The following WDPCP variants were observed in gnomAD, a reference collection of about 807,000 sequenced individuals.
WDPCP encodes the protein WD repeat containing planar cell polarity effector, also known as WD repeat-containing and planar cell polarity effector protein fritz homolog.
Under a neutral mutation model 93.1 loss-of-function variants are expected in WDPCP, and 71 were observed. That is an observed-to-expected ratio of 0.76 (90% confidence interval 0.63 to 0.93). The LOEUF (loss-of-function observed/expected upper bound fraction) is 0.93, where lower values mean the gene tolerates loss of function less well. Ranked by LOEUF, WDPCP falls within the 40% of genes least tolerant of loss-of-function variation. WDPCP has a pLI of 0.00. For missense variants in WDPCP, 844 were observed against 887.4 expected (o/e 0.95, Z 0.62); for synonymous variants, 315 against 315.0 (o/e 1.00, Z 0.00).
At chr2:63,295,078 C>A (rs1279957602) in intron 13 of WDPCP, among the ~76,000 whole-genome samples, 1 of 151,932 alleles carries the variant, frequency 6.6e-6, no homozygotes, top group Non-Finnish European at 1.5e-5. Flanking sequence ...AGGTGTAAAT[C>A]CAAATTATAG....
rs535481598 is a variant in WDPCP at position 63,663,501 on chromosome 2, G to A, written n.309-12663C>T. Among the ~76,000 whole-genome samples, 8 of 152,346 alleles carry A rather than the reference G, an allele frequency of 5.3e-5. No individual in the cohort carries two copies. In the South Asian group the frequency reaches 1.4e-3, roughly 28 times the overall value. On this transcript the variant is annotated intron_variant and non_coding_transcript_variant, in intron 2 of 4. Transcript: ENST00000467687. ...CAGCCTGACTCAGTCTGAGTAGAGA[G>A]AGAGGAAGCAGAGATGGAAACTCCT... is the stretch of plus-strand genomic sequence containing the variant.
intron 14 of WDPCP, among the ~76,000 whole-genome samples, chr2:63,256,608 A>T (rs535368703): frequency 1.1e-4 from 16 of 152,268 alleles, no homozygotes; most frequent in African/African-American, 3.1e-4. Flanking sequence ...AGATCTGCCT[A>T]CCTATGTCCA....
chr2:63,451,516 C>G (rs1009528732), intron 6 of WDPCP, among the ~76,000 whole-genome samples: 21 of 152,270 alleles, frequency 1.4e-4, no homozygotes, highest in African/African-American at 4.6e-4. Flanking sequence ...ACCAGAGATA[C>G]AAGGAGGAGC....
intron 12 of WDPCP, among the ~76,000 whole-genome samples, chr2:63,344,986 G>A (rs867437627): frequency 6.6e-6 from 1 of 152,110 alleles, no homozygotes; most frequent in African/African-American, 2.4e-5. Context: ...TCACCTGATT[G>A]CTCTGTTTCA....
chr2:63,317,769 A>G (rs1438775738), intron 12 of WDPCP, among the ~76,000 whole-genome samples: 2 of 152,178 alleles, frequency 1.3e-5, no homozygotes, highest in African/African-American at 2.4e-5. Flanking sequence ...TCGATTCAAG[A>G]TGAACTACAG....
At chr2:63,800,307 GCT>G (rs1670677324) in intron 2 of WDPCP, among the ~76,000 whole-genome samples, 1 of 152,108 alleles carries the variant, frequency 6.6e-6, no homozygotes. Context: ...GAGTAACGGA[GCT>G]CCGTACAGCT....
At chr2:63,372,584 C>G (rs1030156707) in intron 12 of WDPCP, among the ~76,000 whole-genome samples, 5 of 152,110 alleles carry the variant, frequency 3.3e-5, no homozygotes, top group South Asian at 2.1e-4. Context: ...TCCATTAAAT[C>G]AAGATTTCAA....
intron 2 of WDPCP, among the ~76,000 whole-genome samples, chr2:63,793,868 C>T (rs1670577675): frequency 7.6e-6 from 1 of 130,972 alleles, no homozygotes; most frequent in Non-Finnish European, 1.6e-5. Flanking sequence ...TTAGTACTTA[C>T]ATTGTGTGTG....
At chr2:63,757,651 G>C (rs1669988556) in intron 2 of WDPCP, among the ~76,000 whole-genome samples, 1 of 152,198 alleles carries the variant, frequency 6.6e-6, no homozygotes, top group Admixed American at 6.5e-5. Context: ...AAATATTCTA[G>C]TTCTTCTGGG....
intron 1 of WDPCP, among the ~76,000 whole-genome samples, chr2:63,513,397 G>T (rs1370124511): frequency 6.6e-6 from 1 of 152,118 alleles, no homozygotes; most frequent in African/African-American, 2.4e-5. Flanking sequence ...TGAAGTAGGG[G>T]TTGTTGAGGC....
chr2:63,332,765 C>G (rs1688073609), intron 12 of WDPCP, among the ~76,000 whole-genome samples: 1 of 151,834 alleles, frequency 6.6e-6, no homozygotes, highest in African/African-American at 2.4e-5. Flanking sequence ...CTTTTTTATT[C>G]TTTATTTTTT....
At chr2:63,556,223 T>C (rs780794688) in intron 1 of WDPCP, among the ~76,000 whole-genome samples, 12 of 152,080 alleles carry the variant, frequency 7.9e-5, no homozygotes, top group Non-Finnish European at 1.3e-4. Context: ...AACAGCCAAA[T>C]AGACCAAGTG....
At chr2:63,774,309 T>A (rs1442734738) in intron 2 of WDPCP, among the ~76,000 whole-genome samples, 1 of 152,116 alleles carries the variant, frequency 6.6e-6, no homozygotes, top group Non-Finnish European at 1.5e-5. Context: ...AATGAAGGCA[T>A]AGCTGCAGAT....
chr2:63,368,641 A>G (rs1375191466), intron 12 of WDPCP, among the ~76,000 whole-genome samples: 1 of 145,508 alleles, frequency 6.9e-6, no homozygotes, highest in East Asian at 2.0e-4. Context: ...TATTTAATTA[A>G]AAAAAAAAAA....
At chr2:63,181,091 C>T (rs969390569) in intron 14 of WDPCP, among the ~76,000 whole-genome samples, 1 of 151,836 alleles carries the variant, frequency 6.6e-6, no homozygotes, top group African/African-American at 2.4e-5. Flanking sequence ...GTTTGAGTTC[C>T]TTGTATATTA....
At chr2:63,755,539 TAAC>T (rs1669954315) in intron 2 of WDPCP, among the ~76,000 whole-genome samples, 1 of 152,296 alleles carries the variant, frequency 6.6e-6, no homozygotes, top group South Asian at 2.1e-4. Context: ...ATAACTAAAA[TAAC>T]AACAAAAGTT....
At chr2:63,177,837 T>C (rs931747502) in intron 14 of WDPCP, among the ~76,000 whole-genome samples, 2 of 152,198 alleles carry the variant, frequency 1.3e-5, no homozygotes, top group Admixed American at 1.3e-4. Context: ...CCATTGAGAC[T>C]GATGTTACCT....
chr2:63,585,726 G>T (rs1021918734), intron 1 of WDPCP, among the ~76,000 whole-genome samples: 3 of 151,526 alleles, frequency 2.0e-5, no homozygotes, highest in Non-Finnish European at 4.4e-5. Flanking sequence ...TAGCTTAAAA[G>T]TGTAATAGAA....
At chr2:63,324,963 A>C (rs1251946099) in intron 12 of WDPCP, among the ~76,000 whole-genome samples, 1 of 152,198 alleles carries the variant, frequency 6.6e-6, no homozygotes, top group Non-Finnish European at 1.5e-5. Context: ...CATCACCTGA[A>C]TCACTTGAGG....
Sources: gnomAD v4.1 joint callset for allele counts (sites outside exome capture counted in the v4.1 genomes callset) on GRCh38, gnomAD v4.1.1 for gene constraint, MANE v1.5 for transcripts, NCBI Gene and HGNC (gene_info 2026-07-23, HGNC 2026-07-21) for gene names.